Variants in ANKS1B observed in about 807,000 individuals in gnomAD.
ANKS1B encodes ankyrin repeat and sterile alpha motif domain-containing protein 1B.
A neutral mutation model predicts 148.3 loss-of-function variants in ANKS1B; 36 were observed. That is an observed-to-expected ratio of 0.24 (90% CI 0.19 to 0.32). ANKS1B has a LOEUF of 0.32. Ranked by LOEUF, ANKS1B falls within the 10% of genes least tolerant of loss-of-function variation. The pLI is 1.00. For synonymous variants in ANKS1B, 542 were observed against 560.8 expected (o/e 0.97, Z 0.47); for missense variants, 1,157 against 1,542.6 (o/e 0.75, Z 4.19).
intron 25 of ANKS1B, among the ~76,000 whole-genome samples, chr12:98,754,738 C>A (rs1321957719): frequency 1.3e-5 from 2 of 152,168 alleles, no homozygotes; most frequent in Non-Finnish European, 2.9e-5. Context: ...TGAGGTTTTT[C>A]ACATGATTAT....
At chr12:99,339,314 TTGCAA>T (rs1280273260) in intron 12 of ANKS1B, among the ~76,000 whole-genome samples, 1 of 152,164 alleles carries the variant, frequency 6.6e-6, no homozygotes, top group African/African-American at 2.4e-5. Flanking sequence ...CAGCACTTAG[TTGCAA>T]TGCAAAGTCC....
intron 15 of ANKS1B, among the ~76,000 whole-genome samples, chr12:99,109,968 G>T (rs536960276): frequency 6.6e-6 from 1 of 152,284 alleles, no homozygotes; most frequent in African/African-American, 2.4e-5. Flanking sequence ...CATAGGCCCA[G>T]AGAAGGGAAC....
At chr12:99,112,990 C>T (rs771394612) in intron 15 of ANKS1B, among the ~76,000 whole-genome samples, 32 of 152,114 alleles carry the variant, frequency 2.1e-4, no homozygotes, top group Non-Finnish European at 3.8e-4. Context: ...AATTTTCTGC[C>T]TAGGCAAGTA....
At chr12:98,901,930 C>T (rs11109660) in intron 17 of ANKS1B, among the ~76,000 whole-genome samples, 1 of 152,076 alleles carries the variant, frequency 6.6e-6, no homozygotes, top group Admixed American at 6.5e-5. Flanking sequence ...CCAGCACTTA[C>T]CAATTTTATT....
chr12:99,154,319 C>T lies in ANKS1B; in HGVS notation c.2496G>A (p.Met832Ile), dbSNP rs780523930. 1.9e-6 allele frequency: 3 copies of T among 1,613,582 alleles called. No individual in the cohort carries two copies. The highest frequency in any genetic ancestry group is 2.2e-5 in the East Asian group (1 of 44,864). Residue 832 changes from methionine to isoleucine, a missense_variant, in exon 15 of 27, where the codon ATG becomes ATA. Coordinates refer to ENST00000683438, the MANE Select transcript of ANKS1B (RefSeq NM_001352186.2). Reference sequence around the variant, plus strand: ...ACTGCACATTGTCAAATCCATTAGCCATCAGGTGGTTCTCGTACTGAGGTA... The same window carrying T: ...ACTGCACATTGTCAAATCCATTAGCTATCAGGTGGTTCTCGTACTGAGGTA... ...IGLPQYENHL[M>I]ANGFDNVQFM...
intron 1 of ANKS1B, among the ~76,000 whole-genome samples, chr12:99,967,244 G>A (rs1036086376): frequency 5.3e-5 from 8 of 152,018 alleles, no homozygotes; most frequent in African/African-American, 1.9e-4. Flanking sequence ...CACTGTGATA[G>A]ATATTTTATA....
At chr12:98,804,136 C>G (rs931118868) in intron 20 of ANKS1B, among the ~76,000 whole-genome samples, 6 of 152,128 alleles carry the variant, frequency 3.9e-5, no homozygotes, top group African/African-American at 1.2e-4. Context: ...ATAGGATTTT[C>G]CCTAGGTGCT....
At chr12:99,635,724 T>C (rs1230364056) in intron 9 of ANKS1B, among the ~76,000 whole-genome samples, 1 of 152,086 alleles carries the variant, frequency 6.6e-6, no homozygotes, top group African/African-American at 2.4e-5. Context: ...CTGTACACTT[T>C]AAAAATAGTT....
intron 15 of ANKS1B, among the ~76,000 whole-genome samples, chr12:99,143,764 G>A (rs1600948204): frequency 1.3e-5 from 2 of 152,028 alleles, no homozygotes; most frequent in South Asian, 4.2e-4. Flanking sequence ...CTTAATATCT[G>A]TATAAGGCCA....
At chr12:99,641,742 A>G (rs2098308992) in intron 9 of ANKS1B, among the ~76,000 whole-genome samples, 1 of 152,220 alleles carries the variant, frequency 6.6e-6, no homozygotes. Flanking sequence ...TATACTCTAG[A>G]TAAGAGTGAC....
At chr12:99,886,049 T>C (rs921579833) in intron 1 of ANKS1B, among the ~76,000 whole-genome samples, 1 of 152,334 alleles carries the variant, frequency 6.6e-6, no homozygotes, top group African/African-American at 2.4e-5. Context: ...CAATTATGAA[T>C]TGTTCTGTGA....
chr12:99,176,679 C>T (rs767125420), intron 14 of ANKS1B, among the ~76,000 whole-genome samples: 1 of 152,090 alleles, frequency 6.6e-6, no homozygotes, highest in Non-Finnish European at 1.5e-5. Flanking sequence ...ATCCCCTTAG[C>T]GATAAGTGAG....
At chr12:99,028,289 C>T (rs924814349) in intron 17 of ANKS1B, among the ~76,000 whole-genome samples, 1 of 152,124 alleles carries the variant, frequency 6.6e-6, no homozygotes, top group Admixed American at 6.6e-5. Context: ...ATTTTATTTT[C>T]TATTGTTTGA....
At chr12:98,820,194 A>G (rs2099172476) in intron 19 of ANKS1B, among the ~76,000 whole-genome samples, 2 of 152,214 alleles carry the variant, frequency 1.3e-5, no homozygotes, top group Non-Finnish European at 2.9e-5. Flanking sequence ...TGGGGTGTTC[A>G]TCAACACTGT....
chr12:99,555,352 T>C (rs191577875), intron 9 of ANKS1B, among the ~76,000 whole-genome samples: 28 of 152,254 alleles, frequency 1.8e-4, no homozygotes, highest in African/African-American at 6.7e-4. Context: ...GGAGACTATA[T>C]GGTTTTCTAG....
intron 4 of ANKS1B, among the ~76,000 whole-genome samples, chr12:99,785,545 T>G (rs982012161): frequency 1.3e-5 from 2 of 152,144 alleles, no homozygotes; most frequent in Non-Finnish European, 2.9e-5. Flanking sequence ...GCGATTCTCC[T>G]GCCTCAGCTT....
intron 14 of ANKS1B, among the ~76,000 whole-genome samples, chr12:99,177,648 TG>T (rs1189156827): frequency 1.3e-5 from 2 of 152,238 alleles, no homozygotes; most frequent in Non-Finnish European, 2.9e-5. Flanking sequence ...GTATTACCCT[TG>T]GCCTCCTTAA....
At chr12:99,664,153 A>T (rs2098493318) in intron 8 of ANKS1B, among the ~76,000 whole-genome samples, 1 of 150,780 alleles carries the variant, frequency 6.6e-6, no homozygotes, top group East Asian at 1.9e-4. Flanking sequence ...GAAAGTTTAA[A>T]CTTTTTTTTT....
chr12:99,946,935 G>T (rs1270055280), intron 1 of ANKS1B, among the ~76,000 whole-genome samples: 3 of 152,132 alleles, frequency 2.0e-5, no homozygotes, highest in Non-Finnish European at 4.4e-5. Context: ...AATGACAAAT[G>T]ATTATGTTTT....
Sources: allele counts gnomAD v4.1 joint callset (sites outside exome capture counted in the v4.1 genomes callset), GRCh38; gene constraint gnomAD v4.1.1; transcripts MANE v1.5; gene names NCBI Gene and HGNC (gene_info 2026-07-23, HGNC 2026-07-21).